RPS6KA2: variants seen among roughly 807,000 people sequenced by gnomAD.
RPS6KA2 encodes the protein ribosomal protein S6 kinase A2, also known as ribosomal protein S6 kinase alpha-2.
In RPS6KA2, 42 loss-of-function variants were observed where a neutral mutation model predicts 91.8. That is an observed-to-expected ratio of 0.46 (90% confidence interval 0.36 to 0.59). The LOEUF is 0.59. RPS6KA2 is among the 20% of genes least tolerant of loss of function. The pLI is 0.00. For synonymous variants in RPS6KA2, 414 were observed against 393.6 expected (o/e 1.05, Z -0.61); for missense variants, 798 against 978.5 (o/e 0.82, Z 2.46).
rs1787339361 is a variant in RPS6KA2 at position 166,639,051 on chromosome 6, T to G, written c.124-100267A>C. Among the ~76,000 whole-genome samples the G allele has an allele frequency of 6.6e-6, 1 of 152,222 alleles. No homozygotes were observed. Among genetic ancestry groups the G allele is most frequent in the South Asian group, 2.1e-4 (1 of 4,830 alleles). On this transcript the variant is annotated intron_variant, in intron 2 of 21. Transcript: ENST00000503859. This position sits in a 1 kb window ranked among gnomAD's most constrained non-coding sequence, Gnocchi z 4.2. ...TATGCAAACAGCAATTTCATGCAGTTAAACCAATATGTGGAAGGGCTTTAT... is the reference window on the plus strand; with the variant it reads ...TATGCAAACAGCAATTTCATGCAGTGAAACCAATATGTGGAAGGGCTTTAT...
At chr6:166,837,746 G>A (rs529838021) in intron 2 of RPS6KA2, among the ~76,000 whole-genome samples, 30 of 152,268 alleles carry the variant, frequency 2.0e-4, no homozygotes, top group African/African-American at 7.0e-4. Flanking sequence ...CCCTGCTCCC[G>A]ATAAGTTCAG....
chr6:166,612,193 G>C lies in RPS6KA2; in HGVS notation c.99+14728C>G, dbSNP rs1786206350. 6.6e-6 allele frequency among the ~76,000 whole-genome samples: 1 copy of C among 152,244 alleles called. No individual in the cohort carries two copies. The highest frequency in any genetic ancestry group is 2.1e-4 in the South Asian group (1 of 4,812). ...GCCAGGGAACTCACTGACCATCTGG[G>C]GGGGCTCTAGGAAAAGCCTGGAAGA... is the stretch of plus-strand genomic sequence containing the variant. On this transcript the variant is annotated intron_variant, in intron 1 of 20. Transcript: ENST00000265678. This position sits in a 1 kb window ranked among gnomAD's most constrained non-coding sequence, Gnocchi z 4.3.
At chr6:166,504,239 A>G (rs964001705) in intron 6 of RPS6KA2, among the ~76,000 whole-genome samples, 6 of 152,330 alleles carry the variant, frequency 3.9e-5, no homozygotes, top group East Asian at 1.9e-4. Context: ...CATCACAGAC[A>G]TGCACCTGAG....
At chr6:166,555,807 G>A (rs544019341) in intron 1 of RPS6KA2, among the ~76,000 whole-genome samples, 7 of 152,204 alleles carry the variant, frequency 4.6e-5, no homozygotes, top group African/African-American at 7.2e-5. Context: ...TCATCTGGGC[G>A]TCATCAGAGA....
chr6:166,722,492 C>T (rs538911614), intron 2 of RPS6KA2, among the ~76,000 whole-genome samples: 39 of 152,336 alleles, frequency 2.6e-4, no homozygotes, highest in African/African-American at 6.7e-4. Context: ...CCGTGGCCCA[C>T]GCCACGTGGA....
In RPS6KA2 at chr6:166,553,829, T is replaced by C. The variant is rs538726131; in HGVS notation, c.100-15045A>G. Among the ~76,000 whole-genome samples, 8 of 152,350 alleles carry C rather than the reference T, an allele frequency of 5.3e-5. No individual in the cohort carries two copies. The South Asian group carries it at 1.7e-3, about 32-fold the overall frequency. On this transcript the variant is annotated intron_variant, in intron 1 of 20. Coordinates refer to ENST00000265678, the MANE Select transcript of RPS6KA2 (RefSeq NM_021135.6). ...GCCTACTATCATCTGTTTTCAAATGTTTCCAAATTGCTCTTCTTTCTCAGA... is the reference window on the plus strand; with the variant it reads ...GCCTACTATCATCTGTTTTCAAATGCTTCCAAATTGCTCTTCTTTCTCAGA...
chr6:166,766,614 A>C (rs1778317180), intron 2 of RPS6KA2, among the ~76,000 whole-genome samples: 1 of 152,180 alleles, frequency 6.6e-6, no homozygotes, highest in Non-Finnish European at 1.5e-5. Context: ...ATTTTTCTCC[A>C]GCTATCCCAA....
At chr6:166,636,999 A>G (rs1407175009) in intron 2 of RPS6KA2, among the ~76,000 whole-genome samples, 1 of 152,214 alleles carries the variant, frequency 6.6e-6, no homozygotes, top group African/African-American at 2.4e-5. Flanking sequence ...GGAGGGGAGC[A>G]TGCAGGGGAG....
At chr6:166,632,476 G>T (rs1400388358) in intron 2 of RPS6KA2, among the ~76,000 whole-genome samples, 10 of 152,126 alleles carry the variant, frequency 6.6e-5, no homozygotes, top group Admixed American at 6.5e-4. Flanking sequence ...GCCGGGCATG[G>T]TGGCGCATGC....
Position 166,554,795 on chromosome 6 carries a change from G to A in RPS6KA2, c.100-16011C>T, listed in dbSNP as rs1017706020. The stretch of plus-strand genomic sequence containing the variant: ...TTATGATGAGAATTCTGATGTCAAT[G>A]TGAGGAGACACTGCCCAGACCAGCA... On this transcript the variant is annotated intron_variant, in intron 1 of 20. Transcript: ENST00000265678. This position sits in a 1 kb window ranked among gnomAD's most constrained non-coding sequence, Gnocchi z 4.3. Among the ~76,000 whole-genome samples the A allele has an allele frequency of 2.6e-5, 4 of 152,238 alleles. No individual in the cohort carries two copies. Among genetic ancestry groups the A allele is most frequent in the Non-Finnish European group, 5.9e-5 (4 of 68,040 alleles).
Position 166,563,961 on chromosome 6 carries a change from A to G in RPS6KA2, c.100-25177T>C, listed in dbSNP as rs192419341. ...ATTACTCCGTGTCTCAGCATGAAGAAATGGCAGATGTCAGATGTCAGCGCT... is the reference window on the plus strand; with the variant it reads ...ATTACTCCGTGTCTCAGCATGAAGAGATGGCAGATGTCAGATGTCAGCGCT... On this transcript the variant is annotated intron_variant, in intron 1 of 20. Transcript: ENST00000265678. This position sits in a 1 kb window ranked among gnomAD's most constrained non-coding sequence, Gnocchi z 4.1. Among the ~76,000 whole-genome samples, 37 of 152,310 alleles carry G rather than the reference A, an allele frequency of 2.4e-4. No individual in the cohort carries two copies. The highest frequency in any genetic ancestry group is 8.4e-4 in the African/African-American group (35 of 41,566).
chr6:166,444,901 C>A (rs1251583213), intron 14 of RPS6KA2, among the ~76,000 whole-genome samples: 1 of 152,154 alleles, frequency 6.6e-6, no homozygotes. Context: ...GAGTACCCAG[C>A]ATATAGCAGG....
intron 2 of RPS6KA2, among the ~76,000 whole-genome samples, chr6:166,644,874 GAC>G (rs1257843819): frequency 6.6e-6 from 1 of 152,232 alleles, no homozygotes; most frequent in Non-Finnish European, 1.5e-5. Flanking sequence ...TATAAGGAGA[GAC>G]ACATACACAC....
intron 2 of RPS6KA2, among the ~76,000 whole-genome samples, chr6:166,676,047 G>T (rs1788609930): frequency 6.6e-6 from 1 of 151,922 alleles, no homozygotes; most frequent in African/African-American, 2.4e-5. Flanking sequence ...CGGGTGCGGT[G>T]GCTCATACCT....
intron 2 of RPS6KA2, among the ~76,000 whole-genome samples, chr6:166,856,401 A>G (rs1417218129): frequency 1.3e-5 from 2 of 152,170 alleles, no homozygotes; most frequent in African/African-American, 4.8e-5. Flanking sequence ...CAAACCTGCC[A>G]TGCCTTAATT....
intron 1 of RPS6KA2, among the ~76,000 whole-genome samples, chr6:166,587,666 T>TTTTA (rs10651328): frequency 7.4e-5 from 11 of 148,962 alleles, no homozygotes; most frequent in South Asian, 2.1e-4. Context: ...AAAATAAATA[T>TTTTA]TATATATATA....
At chr6:166,509,592 G>C (rs973537561) in intron 4 of RPS6KA2, among the ~76,000 whole-genome samples, 47 of 152,216 alleles carry the variant, frequency 3.1e-4, no homozygotes, top group African/African-American at 1.1e-3. Flanking sequence ...TAGTTTTGTT[G>C]CTGTTCCCTT....
rs902689736 is a variant in RPS6KA2 at position 166,490,056 on chromosome 6, G to T, written c.818+615C>A. 1.3e-5 allele frequency among the ~76,000 whole-genome samples: 2 copies of T among 152,120 alleles called. No individual in the cohort carries two copies. The highest frequency in any genetic ancestry group is 4.8e-5 in the African/African-American group (2 of 41,434). Reference sequence around the variant, plus strand: ...CACATTTAGGATGCTATGGCAAGGTGGTATGGGGATCAGGCTTCTTCCTAC... The same window carrying T: ...CACATTTAGGATGCTATGGCAAGGTTGTATGGGGATCAGGCTTCTTCCTAC... On this transcript the variant is annotated intron_variant, in intron 9 of 20. Coordinates refer to ENST00000265678, the MANE Select transcript of RPS6KA2 (RefSeq NM_021135.6). This position sits in a 1 kb window ranked among gnomAD's most constrained non-coding sequence, Gnocchi z 4.2.
intron 2 of RPS6KA2, among the ~76,000 whole-genome samples, chr6:166,703,350 G>T (rs914148742): frequency 6.6e-6 from 1 of 152,228 alleles, no homozygotes; most frequent in Non-Finnish European, 1.5e-5. Flanking sequence ...GCATGGGAGG[G>T]GTGCTCGCTT....
Sources: allele counts gnomAD v4.1 joint callset (sites outside exome capture counted in the v4.1 genomes callset), GRCh38; gene constraint gnomAD v4.1.1; non-coding constraint Gnocchi (gnomAD v3.1); transcripts MANE v1.5; gene names NCBI Gene and HGNC (gene_info 2026-07-23, HGNC 2026-07-21).